AP2B1: variants seen among roughly 807,000 people sequenced by gnomAD.
AP2B1 encodes the protein adaptor related protein complex 2 subunit beta 1, also known as AP-2 complex subunit beta.
AP2B1 carries 23 observed loss-of-function variants against 102.0 expected under a neutral mutation model. The ratio of observed to expected loss-of-function variants is 0.23; its 90% CI spans 0.16 to 0.32. AP2B1 has a LOEUF of 0.32. Among genes scored for constraint, AP2B1 ranks in the 10% least tolerant of loss-of-function variants. The probability of loss-of-function intolerance (pLI) is 1.00; values close to 1 mark genes in which losing one functional copy is unlikely to be tolerated. For synonymous variants in AP2B1, 381 were observed against 421.2 expected (o/e 0.90, Z 1.17); for missense variants, 541 against 1,157.4 (o/e 0.47, Z 7.73).
intron 5 of AP2B1, among the ~76,000 whole-genome samples, chr17:35,615,828 T>C (rs2073995014): frequency 6.6e-6 from 1 of 152,202 alleles, no homozygotes; most frequent in Admixed American, 6.5e-5. Flanking sequence ...TTGAAGGTAA[T>C]ACATTCAGTC....
At chr17:35,720,565 A>AT (rs1568063471) in intron 21 of AP2B1, among the ~76,000 whole-genome samples, 150 of 52,340 alleles carry the variant, frequency 2.9e-3, no homozygotes, top group Non-Finnish European at 4.5e-3. Flanking sequence ...ATATATATAT[A>AT]TATATATATT....
intron 18 of AP2B1, among the ~76,000 whole-genome samples, chr17:35,702,584 T>C (rs1197639747): frequency 6.6e-6 from 1 of 152,160 alleles, no homozygotes; most frequent in Non-Finnish European, 1.5e-5. Flanking sequence ...CAGAGAAATA[T>C]TTATGAGCTG....
intron 17 of AP2B1, among the ~76,000 whole-genome samples, chr17:35,679,562 C>T (rs924235494): frequency 4.7e-5 from 6 of 127,228 alleles, no homozygotes; most frequent in Admixed American, 2.4e-4. Flanking sequence ...CAGAGCATCT[C>T]ACCAGTTCTG....
At chr17:35,598,995 G>C (rs1421881736) in intron 3 of AP2B1, among the ~76,000 whole-genome samples, 1 of 152,240 alleles carries the variant, frequency 6.6e-6, no homozygotes, top group East Asian at 1.9e-4. Flanking sequence ...GCCTCAGCAT[G>C]AATGAAGGCA....
intron 5 of AP2B1, among the ~76,000 whole-genome samples, chr17:35,620,820 T>A (rs572894088): frequency 1.3e-5 from 2 of 152,212 alleles, no homozygotes; most frequent in South Asian, 4.1e-4. Context: ...CCTGCCTCTT[T>A]AAAAAAATAC....
intron 5 of AP2B1, among the ~76,000 whole-genome samples, chr17:35,622,459 T>C (rs546941015): frequency 6.6e-6 from 1 of 152,356 alleles, no homozygotes; most frequent in East Asian, 1.9e-4. Context: ...ACAGATGATG[T>C]GAATACTAAA....
chr17:35,610,735 G>C (rs1460226323), intron 5 of AP2B1, among the ~76,000 whole-genome samples: 1 of 151,614 alleles, frequency 6.6e-6, no homozygotes, highest in South Asian at 2.1e-4. Context: ...GTGAATCCCC[G>C]TCTCTACTAA....
At chr17:35,591,746 A>T (rs1449650709) in intron 1 of AP2B1, among the ~76,000 whole-genome samples, 2 of 152,196 alleles carry the variant, frequency 1.3e-5, no homozygotes, top group Non-Finnish European at 2.9e-5. Flanking sequence ...TCCTTTCTTC[A>T]TTTGCCCACT....
At position 35,653,981 on chromosome 17, in the gene AP2B1, T is replaced by C. The variant is rs527370701; in HGVS notation, c.1796+3192T>C. 7.2e-5 allele frequency among the ~76,000 whole-genome samples: 11 copies of C among 152,370 alleles called. No individual in the cohort carries two copies. The South Asian group carries it at 1.4e-3, about 20-fold the overall frequency. ...CTGTGATTATTAGCTAATCTTTTGC[T>C]TCTTAGTTTTTGTTTGTGTCAAAAT... is the stretch of plus-strand genomic sequence containing the variant. On this transcript the variant is annotated intron_variant, in intron 13 of 21. Coordinates refer to ENST00000610402, the MANE Select transcript of AP2B1 (RefSeq NM_001030006.2).
At chr17:35,659,835 T>C (rs1426866854) in intron 14 of AP2B1, 1 of 985,258 alleles carries the variant, frequency 1.0e-6, no homozygotes, top group Non-Finnish European at 1.2e-6. Context: ...GAAATCAAGA[T>C]GAGAAGAAAT....
chr17:35,684,284 G>C (rs34795364), intron 18 of AP2B1, among the ~76,000 whole-genome samples: 2,457 of 152,242 alleles, frequency 0.016, 36 homozygotes, highest in Non-Finnish European at 0.027. Flanking sequence ...GCTTAAGATA[G>C]AACAGTCTGA....
intron 5 of AP2B1, chr17:35,621,165 A>G (rs1424852801): frequency 9.8e-6 from 2 of 204,510 alleles, no homozygotes; most frequent in Non-Finnish European, 1.7e-5. Context: ...ATATATATTC[A>G]TAGTACAGAA....
In AP2B1 at chr17:35,657,684, C is replaced by A. The variant is rs1262688733; in HGVS notation, c.1882C>A (p.Leu628Ile). The A allele has an allele frequency of 4.3e-6, 7 of 1,614,034 alleles. No individual in the cohort carries two copies. The African/African-American group carries it at 9.3e-5, about 22-fold the overall frequency. Residue 628 changes from leucine (L) to isoleucine (I), a missense_variant, in exon 14 of 22, where the codon CTA becomes ATA. Leu to Ile is a conservative substitution (Grantham distance 5). Transcript: ENST00000610402. Reference sequence around the variant, plus strand: ...GGTTATCCCCTCTCAAGGTGATCTTCTAGGGGATCTTTTAAACCTTGACCT... The same window carrying A: ...GGTTATCCCCTCTCAAGGTGATCTTATAGGGGATCTTTTAAACCTTGACCT... ...PQVIPSQGDL[L>I]GDLLNLDLGP...
At chr17:35,595,013 G>A (rs960084230) in intron 2 of AP2B1, among the ~76,000 whole-genome samples, 1 of 152,186 alleles carries the variant, frequency 6.6e-6, no homozygotes, top group South Asian at 2.1e-4. Flanking sequence ...GTGCTTTTGT[G>A]TTCAGGAGTC....
Position 35,650,532 on chromosome 17 carries a change from T to C in AP2B1, c.1539T>C (p.Asp513=). The change falls in exon 13 of 22, where the codon GAT becomes GAC. Residue 513 remains aspartate (D), a splice_region_variant and synonymous_variant. Coordinates refer to ENST00000610402, the MANE Select transcript of AP2B1 (RefSeq NM_001030006.2). ...VQQVLSLATQ[D]SDNPDLRDRG... ...CCTTGCCTTTGCCTTTTCTTTAGGA[T>C]TCTGATAATCCTGACCTTCGAGACC... 6.2e-7 allele frequency: 1 copy of C among 1,613,438 alleles called. No individual in the cohort carries two copies. The highest frequency in any genetic ancestry group is 8.5e-7 in the Non-Finnish European group (1 of 1,179,586).
intron 5 of AP2B1, among the ~76,000 whole-genome samples, chr17:35,614,817 A>G (rs1380625782): frequency 6.6e-6 from 1 of 152,160 alleles, no homozygotes; most frequent in Non-Finnish European, 1.5e-5. Flanking sequence ...CTTGAAAACC[A>G]TTTTATGAAA....
chr17:35,711,787 G>T (rs2076457917), intron 20 of AP2B1, among the ~76,000 whole-genome samples: 1 of 152,160 alleles, frequency 6.6e-6, no homozygotes, highest in African/African-American at 2.4e-5. Flanking sequence ...TTTAATTTTA[G>T]TTTTTTATGG....
chr17:35,632,495 G>T (rs1489599271), intron 9 of AP2B1, among the ~76,000 whole-genome samples: 1 of 152,100 alleles, frequency 6.6e-6, no homozygotes, highest in African/African-American at 2.4e-5. Context: ...TGAAAGATAT[G>T]AGTAGAGTGG....
chr17:35,593,910 TAA>T (rs776322828), intron 1 of AP2B1, 96 bp from the exon 2 acceptor site: 1 of 569,298 alleles, frequency 1.8e-6, no homozygotes, highest in South Asian at 3.2e-5. Context: ...TTCTTAAATA[TAA>T]GTGTTCCTAA....
Sources: gnomAD v4.1 joint callset for allele counts (sites outside exome capture counted in the v4.1 genomes callset) on GRCh38, gnomAD v4.1.1 for gene constraint, MANE v1.5 for transcripts, NCBI Gene and HGNC (gene_info 2026-07-23, HGNC 2026-07-21) for gene names.